DRC3: variants seen among roughly 807,000 people sequenced by gnomAD.
DRC3 encodes dynein regulatory complex subunit 3, also known as leucine rich repeat containing 48.
Under a neutral mutation model 57.6 loss-of-function variants are expected in DRC3, and 45 were observed. The observed-to-expected ratio is 0.78, with a 90% confidence interval of 0.62 to 1.00. The LOEUF is 1.00. Among genes scored for constraint, DRC3 ranks in the 50% least tolerant of loss-of-function variants. The probability of loss-of-function intolerance (pLI) is 0.00; values close to 1 mark genes in which losing one functional copy is unlikely to be tolerated. For missense variants in DRC3, 655 were observed against 675.2 expected (o/e 0.97, Z 0.33); for synonymous variants, 257 against 272.3 (o/e 0.94, Z 0.55).
chr17:17,982,509 C>CCATCCTTAATGAGCA, intron 3 of DRC3, among the ~76,000 whole-genome samples: 1 of 151,980 alleles, frequency 6.6e-6, no homozygotes, highest in Non-Finnish European at 1.5e-5. Context: ...GCCACCACGC[C>CCATCCTTAATGAGCA]TGGCCCACAG....
chr17:17,999,039 A>AT (rs1232009831), intron 9 of DRC3, among the ~76,000 whole-genome samples: 2 of 151,994 alleles, frequency 1.3e-5, no homozygotes, highest in Non-Finnish European at 2.9e-5. Context: ...TTCCTTCCTG[A>AT]TATTTATCTG....
At chr17:17,973,012 G>A (rs1354109985) in intron 1 of DRC3, 38 bp downstream of exon 1, 1 of 152,194 alleles carries the variant, frequency 6.6e-6, no homozygotes, top group Non-Finnish European at 1.5e-5. Context: ...AGGACTTGCA[G>A]GGACAGATAG....
chr17:17,990,813 G>A (rs531291304), intron 5 of DRC3, among the ~76,000 whole-genome samples: 429 of 152,240 alleles, frequency 2.8e-3, no homozygotes, highest in Non-Finnish European at 4.7e-3. Flanking sequence ...CCAACATGGC[G>A]AAACCCGTCT....
chr17:18,006,644 G>A (rs950970501), intron 11 of DRC3: 13 of 368,042 alleles, frequency 3.5e-5, no homozygotes, highest in Non-Finnish European at 5.1e-5. Context: ...CTCCACATGG[G>A]GCAAACTGCT....
chr17:18,016,416 C>A, intron 13 of DRC3, 142 bp from the exon 14 acceptor site: 1 of 785,848 alleles, frequency 1.3e-6, no homozygotes, highest in Non-Finnish European at 2.0e-6. Flanking sequence ...ATACAGAGAT[C>A]AGCAGAACCT....
intron 9 of DRC3, among the ~76,000 whole-genome samples, 186 bp downstream of exon 9, chr17:17,997,820 CCAG>C (rs1187173625): frequency 6.6e-6 from 1 of 152,174 alleles, no homozygotes; most frequent in Non-Finnish European, 1.5e-5. Flanking sequence ...CCGCCTTACA[CCAG>C]CACCACCAAC....
intron 2 of DRC3, among the ~76,000 whole-genome samples, chr17:17,974,523 C>G (rs1486164598): frequency 6.6e-6 from 1 of 152,204 alleles, no homozygotes; most frequent in Admixed American, 6.5e-5. Context: ...AGGCATGCAC[C>G]ACCATGCCCA....
At chr17:17,973,020 T>C (rs1461514799) in intron 1 of DRC3, 46 bp downstream of exon 1, 1 of 151,234 alleles carries the variant, frequency 6.6e-6, no homozygotes, top group Non-Finnish European at 1.5e-5. Context: ...CAGGGACAGA[T>C]AGTGCCCGAC....
At chr17:17,973,519 T>C (rs528882080) in intron 1 of DRC3, 7 of 152,328 alleles carry the variant, frequency 4.6e-5, no homozygotes, top group Admixed American at 1.3e-4. Context: ...TTTTATGGCC[T>C]CCGGAGCTTA....
intron 6 of DRC3, chr17:17,994,040 A>G: frequency 2.5e-6 from 1 of 407,164 alleles, no homozygotes; most frequent in Non-Finnish European, 4.6e-6. Context: ...TGGCCCCGGG[A>G]ACCCCAGCCT....
At chr17:17,981,313 C>T (rs756113013) in intron 3 of DRC3, 2 of 254,564 alleles carry the variant, frequency 7.9e-6, no homozygotes, top group Non-Finnish European at 1.7e-5. Context: ...CTCCAGCACC[C>T]TATCCCTGCA....
chr17:18,016,159 C>G lies in DRC3; in HGVS notation c.1422C>G (p.Thr474=), dbSNP rs1297641366. The G allele has an allele frequency of 3.1e-6, 5 of 1,613,854 alleles. No homozygotes were observed. In the East Asian group the frequency reaches 1.1e-4, roughly 36 times the overall value. The change falls in exon 13 of 14, where the codon ACC becomes ACG. Residue 474 remains threonine (T), a synonymous_variant. Coordinates refer to ENST00000399187, the MANE Select transcript of DRC3 (RefSeq NM_031294.4). ...KIDNREDELV[T]RINSWCTRLI... is the part of the protein sequence containing the mutation. ...ACAATCGAGAAGATGAGCTGGTGAC[C>G]AGAATCAACTCTTGGTGTACACGTT...
At chr17:17,989,254 A>T (rs2043109455) in intron 5 of DRC3, among the ~76,000 whole-genome samples, 1 of 152,108 alleles carries the variant, frequency 6.6e-6, no homozygotes. Flanking sequence ...ATCGTTGAGG[A>T]GCGCAGGGTC....
chr17:18,016,547 T>A lies in DRC3; in HGVS notation c.1459-11T>A. 1 of 1,595,668 alleles carries A rather than the reference T, an allele frequency of 6.3e-7. No individual in the cohort carries two copies. The highest frequency in any genetic ancestry group is 8.6e-7 in the Non-Finnish European group (1 of 1,163,910). On this transcript the variant is annotated splice_polypyrimidine_tract_variant and intron_variant, in intron 13 of 13. Transcript: ENST00000399187. ...TGATGTAAGGAATCGGGCTTTGGTT[T>A]CACTCCTCAGATTCACAAGGATGAG...
In DRC3 at chr17:18,016,128, A is replaced by T; in HGVS notation, c.1391A>T (p.Lys464Met). Reference protein sequence around the residue: ...VGASHDIHLLKIDNREDELVT... With the variant: ...VGASHDIHLLMIDNREDELVT... ...GCATCGCACGACATCCACCTCCTGA[A>T]GATTGACAATCGAGAAGATGAGCTG... Residue 464 changes from lysine (K) to methionine (M), a missense_variant, in exon 13 of 14, where the codon AAG (lysine) becomes ATG (methionine). Transcript: ENST00000399187. 1.2e-6 allele frequency: 2 copies of T among 1,613,958 alleles called. No individual in the cohort carries two copies. The highest frequency in any genetic ancestry group is 1.7e-6 in the Non-Finnish European group (2 of 1,179,848).
Position 17,992,831 on chromosome 17 carries a change from G to T in DRC3, c.511G>T (p.Ala171Ser), listed in dbSNP as rs1208042696. 3.1e-6 allele frequency: 5 copies of T among 1,613,818 alleles called. No individual in the cohort carries two copies. In the Admixed American group the frequency reaches 6.7e-5, roughly 22 times the overall value. ...LSLSRNPISE[A>S]EDYKMFICAY... ...CCTCTCTAGGAACCCTATCTCTGAG[G>T]CAGAGGATTACAAGATGTTCATCTG... Residue 171 changes from alanine (A) to serine (S), a missense_variant, in exon 6 of 14, where the codon GCA (alanine) becomes TCA (serine). Coordinates refer to ENST00000399187, the MANE Select transcript of DRC3 (RefSeq NM_031294.4).
chr17:18,007,751 G>A, intron 12 of DRC3: 1 of 1,163,408 alleles, frequency 8.6e-7, no homozygotes, highest in Admixed American at 4.2e-5. Context: ...GGCCCAGACA[G>A]AGATACTATG....
At chr17:17,985,199 A>G (rs1355059341) in intron 4 of DRC3, among the ~76,000 whole-genome samples, 3 of 152,226 alleles carry the variant, frequency 2.0e-5, no homozygotes, top group Non-Finnish European at 4.4e-5. Flanking sequence ...AGAAACCTGA[A>G]TACTGGTCTT....
chr17:17,990,681 A>ACTTTTTTAAAC (rs2043186551), intron 5 of DRC3, among the ~76,000 whole-genome samples: 1 of 152,222 alleles, frequency 6.6e-6, no homozygotes, highest in Non-Finnish European at 1.5e-5. Context: ...CTCAAAGCAT[A>ACTTTTTTAAAC]ATGGTTTTAT....
Sources: gnomAD v4.1 joint callset for allele counts (sites outside exome capture counted in the v4.1 genomes callset) on GRCh38, gnomAD v4.1.1 for gene constraint, MANE v1.5 for transcripts, NCBI Gene and HGNC (gene_info 2026-07-23, HGNC 2026-07-21) for gene names.